STON1: variants seen among roughly 807,000 people sequenced by gnomAD.
STON1 encodes the protein stonin 1.
STON1 carries 79 observed loss-of-function variants against 60.9 expected under a neutral mutation model. That is an observed-to-expected ratio of 1.30 (90% CI 1.08 to 1.56). The LOEUF (loss-of-function observed/expected upper bound fraction) is 1.56, where lower values mean the gene tolerates loss of function less well. Ranked by LOEUF, STON1 falls within the 40% of genes most tolerant of loss-of-function variation. The pLI, the probability that STON1 is intolerant of heterozygous loss-of-function variation, is 0.00. For synonymous variants in STON1, 363 were observed against 306.9 expected (o/e 1.18, Z -1.91); for missense variants, 1,166 against 858.9 (o/e 1.36, Z -4.47).
At chr2:48,530,241 G>A (rs758076970) in intron 1 of STON1, 25 bp downstream of exon 1, 5 of 367,300 alleles carry the variant, frequency 1.4e-5, no homozygotes, top group South Asian at 1.0e-4. Context: ...CCAGGGGACA[G>A]AGACGGGAGG....
chr2:48,581,237 G>C lies in STON1; in HGVS notation c.604G>C (p.Gly202Arg), dbSNP rs1284740941. Residue 202 changes from glycine (G) to arginine (R), a missense_variant, in exon 2 of 4, where the codon GGA becomes CGA. Coordinates refer to ENST00000404752, the MANE Select transcript of STON1 (RefSeq NM_006873.4). ...TTCCCATTTCACCCTTGACCCACCA[G>C]GAAGCAAAAAGATGTTCTCATCAAG... The part of the protein sequence containing the change: ...SDSHFTLDPP[G>R]SKKMFSSRNK... 4 of 1,516,940 alleles carry C rather than the reference G, an allele frequency of 2.6e-6. No homozygotes were observed. Among genetic ancestry groups the C allele is most frequent in the Non-Finnish European group, 3.5e-6 (4 of 1,138,252 alleles). The allele number at this position is 1,516,940 out of a possible 1,614,324, so 94.0% of individuals were successfully genotyped here. A position where few individuals can be genotyped will look rare whatever the true frequency, so the allele number is the denominator to read the frequency against.
chr2:48,570,084 C>T (rs990863334), intron 1 of STON1, among the ~76,000 whole-genome samples: 11 of 152,196 alleles, frequency 7.2e-5, no homozygotes, highest in Non-Finnish European at 1.5e-4. Context: ...CCTGTAATCC[C>T]AGCGCATTGG....
intron 1 of STON1, among the ~76,000 whole-genome samples, chr2:48,566,493 G>A (rs1272785723): frequency 6.6e-6 from 1 of 151,538 alleles, no homozygotes; most frequent in Non-Finnish European, 1.5e-5. Context: ...ATGTTGGTCA[G>A]GCTGGTCTCA....
chr2:48,538,515 A>G (rs748588790), intron 1 of STON1, among the ~76,000 whole-genome samples: 2 of 151,686 alleles, frequency 1.3e-5, no homozygotes, highest in African/African-American at 2.4e-5. Context: ...ATTTTCTCTT[A>G]GGGTTTTATA....
At chr2:48,563,689 TGTTTTTG>T (rs886337903) in intron 1 of STON1, among the ~76,000 whole-genome samples, 19 of 133,812 alleles carry the variant, frequency 1.4e-4, no homozygotes, top group African/African-American at 4.1e-4. Context: ...TTTGTTTGTT[TGTTTTTG>T]TTGTTGTTGT....
chr2:48,550,720 G>A (rs1672068489), intron 1 of STON1, among the ~76,000 whole-genome samples: 2 of 151,674 alleles, frequency 1.3e-5, no homozygotes, highest in Non-Finnish European at 2.9e-5. Context: ...CAAAGTTCCT[G>A]TCTTCTGAAT....
intron 2 of STON1, among the ~76,000 whole-genome samples, chr2:48,589,984 A>G (rs1674420244): frequency 6.6e-6 from 1 of 152,212 alleles, no homozygotes; most frequent in African/African-American, 2.4e-5. Context: ...CATTATCCAC[A>G]TTTTTAGATG....
chr2:48,592,326 C>T (rs1210156309), intron 3 of STON1, among the ~76,000 whole-genome samples: 2 of 151,920 alleles, frequency 1.3e-5, no homozygotes, highest in African/African-American at 2.4e-5. Flanking sequence ...GCTATTGTGT[C>T]TTGTCTTTGT....
chr2:48,593,617 TGC>T (rs1490798606), intron 3 of STON1, among the ~76,000 whole-genome samples: 2 of 152,242 alleles, frequency 1.3e-5, no homozygotes, highest in African/African-American at 2.4e-5. Flanking sequence ...TGAGAACATG[TGC>T]CTCTCAAATA....
At chr2:48,564,405 G>GTCCTCT (rs1553359255) in intron 1 of STON1, among the ~76,000 whole-genome samples, 5 of 82,940 alleles carry the variant, frequency 6.0e-5, no homozygotes, top group African/African-American at 2.3e-4. Flanking sequence ...CAGTGGCGGT[G>GTCCTCT]TCTTCTTCTT....
rs1054845823 is a variant in STON1, at chr2:48,550,574, TTA to T, written c.-48+20370_-48+20371del. Among the ~76,000 whole-genome samples the T allele has an allele frequency of 6.4e-3, 954 of 148,076 alleles. 8 individuals carry two copies. The highest frequency in any genetic ancestry group is 0.022 in the African/African-American group (904 of 40,744). On this transcript the variant is annotated intron_variant, in intron 1 of 3. Transcript: ENST00000404752. Reference sequence around the variant, plus strand: ...ATATATATGTGTGTGTATATATATATTATATATATATATGTATCTTATATATT... The same window carrying T: ...ATATATATGTGTGTGTATATATATATTATATATATATGTATCTTATATATT...
chr2:48,574,644 CTT>C (rs1334937914), intron 1 of STON1, among the ~76,000 whole-genome samples: 1 of 152,162 alleles, frequency 6.6e-6, no homozygotes, highest in Admixed American at 6.5e-5. Flanking sequence ...TTCACAGGGT[CTT>C]TTTGATAAAC....
At chr2:48,565,385 T>G (rs1049074013) in intron 1 of STON1, among the ~76,000 whole-genome samples, 2 of 152,048 alleles carry the variant, frequency 1.3e-5, no homozygotes, top group African/African-American at 4.8e-5. Flanking sequence ...ATCCTATTCA[T>G]GAGGGCTCTA....
chr2:48,550,558 T>C (rs1672060341), intron 1 of STON1, among the ~76,000 whole-genome samples: 1 of 148,492 alleles, frequency 6.7e-6, no homozygotes, highest in Non-Finnish European at 1.5e-5. Context: ...GATATATATG[T>C]GTGTGTATAT....
At chr2:48,595,023 G>T (rs1341980921) in intron 3 of STON1, among the ~76,000 whole-genome samples, 2 of 152,128 alleles carry the variant, frequency 1.3e-5, no homozygotes, top group African/African-American at 4.8e-5. Context: ...CTTGACCCTG[G>T]CGGGGAGGAT....
rs1674733289 is a variant in STON1 at position 48,595,250 on chromosome 2, T to C, written c.2156T>C (p.Ile719Thr). ...NIQVEIEKKW[I>T]KIDGEDPDKI... ...CAGGTTGAAATAGAAAAGAAGTGGATTAAAATCGATGGAGAAGACCCAGAT... is the reference window on the plus strand; with the variant it reads ...CAGGTTGAAATAGAAAAGAAGTGGACTAAAATCGATGGAGAAGACCCAGAT... Residue 719 changes from isoleucine to threonine, a missense_variant, in exon 4 of 4, where the codon ATT (isoleucine) becomes ACT (threonine). Physicochemically the swap from Ile to Thr is moderately conservative, Grantham distance 89. Coordinates refer to ENST00000404752, the MANE Select transcript of STON1 (RefSeq NM_006873.4). 6.2e-7 allele frequency: 1 copy of C among 1,613,838 alleles called. No individual in the cohort carries two copies. Among genetic ancestry groups the C allele is most frequent in the Non-Finnish European group, 8.5e-7 (1 of 1,179,786 alleles).
At chr2:48,536,433 A>C (rs1325359577) in intron 1 of STON1, among the ~76,000 whole-genome samples, 1 of 151,696 alleles carries the variant, frequency 6.6e-6, no homozygotes, top group Non-Finnish European at 1.5e-5. Context: ...CTATAATCCC[A>C]GCTACTCGGG....
chr2:48,557,094 C>T (rs1249788853), intron 1 of STON1, among the ~76,000 whole-genome samples: 2 of 106,688 alleles, frequency 1.9e-5, no homozygotes, highest in African/African-American at 3.4e-5. Flanking sequence ...ACCTCCCTCC[C>T]GGACGGGGTG....
In STON1 at chr2:48,581,444, C is replaced by G; in HGVS notation, c.811C>G (p.Gln271Glu). 6.2e-7 allele frequency: 1 copy of G among 1,614,188 alleles called. No individual in the cohort carries two copies. Among genetic ancestry groups the G allele is most frequent in the Non-Finnish European group, 8.5e-7 (1 of 1,180,012 alleles). Residue 271 changes from glutamine to glutamate, a missense_variant, in exon 2 of 4, where the codon CAG becomes GAG. Gln to Glu is a conservative substitution (Grantham distance 29). Transcript: ENST00000404752. ...TGTCCCCCACACACTCTTCAGGAGTCAGCCAAAATCCGGATGGTCTTTCAT... is the reference window on the plus strand; with the variant it reads ...TGTCCCCCACACACTCTTCAGGAGTGAGCCAAAATCCGGATGGTCTTTCAT... The part of the protein sequence containing the change: ...SFVPHTLFRS[Q>E]PKSGWSFMLR...
Sources: allele counts gnomAD v4.1 joint callset (sites outside exome capture counted in the v4.1 genomes callset), GRCh38; gene constraint gnomAD v4.1.1; transcripts MANE v1.5; gene names NCBI Gene and HGNC (gene_info 2026-07-23, HGNC 2026-07-21).